The following SLURP1 variants were observed in gnomAD, a reference collection of about 807,000 sequenced individuals.
SLURP1 encodes the protein secreted LY6/PLAUR domain containing 1, also known as secreted Ly-6/uPAR-related protein 1.
SLURP1 carries 2 observed loss-of-function variants against 7.9 expected under a neutral mutation model. That is an observed-to-expected ratio of 0.25 (90% CI 0.10 to 0.79). SLURP1 has a LOEUF of 0.79. Ranked by LOEUF, SLURP1 falls within the 30% of genes least tolerant of loss-of-function variation. The pLI is 0.69. For synonymous variants in SLURP1, 59 were observed against 54.9 expected (o/e 1.07, Z -0.33); for missense variants, 111 against 139.8 (o/e 0.79, Z 1.04).
Position 142,741,155 on chromosome 8 carries a change from G to A in SLURP1, c.300C>T (p.Asn100=). 1 of 1,606,466 alleles carries A rather than the reference G, an allele frequency of 6.2e-7. No individual in the cohort carries two copies. Among genetic ancestry groups the A allele is most frequent in the Non-Finnish European group, 8.5e-7 (1 of 1,179,944 alleles). Residue 100 remains asparagine, a synonymous_variant, in exon 3 of 3, where the codon AAC becomes AAT. Coordinates refer to ENST00000246515, the MANE Select transcript of SLURP1 (RefSeq NM_020427.3). The surrounding 1 kb of genome is among the most constrained non-coding windows in gnomAD (Gnocchi z 4.3). ...TGCCGCCCTGGGTTCAGAGTTCCGAGTTGCAGAGGTCTCGGAAGCAGCAGA... is the reference window on the plus strand; with the variant it reads ...TGCCGCCCTGGGTTCAGAGTTCCGAATTGCAGAGGTCTCGGAAGCAGCAGA... ...LIFCCFRDLC[N]SEL
At chr8:142,742,249 C>T in intron 1 of SLURP1, 79 bp downstream of exon 1, 1 of 1,480,392 alleles carries the variant, frequency 6.8e-7, no homozygotes, top group Non-Finnish European at 9.4e-7. Context: ...CCACAAAGCA[C>T]CCCCAACAGC....
Position 142,741,305 on chromosome 8 carries a change from C to T in SLURP1, c.179-29G>A, listed in dbSNP as rs1414229960. 3 of 1,558,712 alleles carry T rather than the reference C, an allele frequency of 1.9e-6. No homozygotes were observed. In the East Asian group the frequency reaches 7.1e-5, roughly 37 times the overall value. The stretch of plus-strand genomic sequence containing the variant: ...CAGGGTGGGCCAGTGTCAGAACCCT[C>T]ACTCCCCTGCAGCGCCTGCCTGCTG... On this transcript the variant is annotated intron_variant, in intron 2 of 2. Transcript: ENST00000246515. The surrounding 1 kb of genome is among the most constrained non-coding windows in gnomAD (Gnocchi z 4.3).
Position 142,741,812 on chromosome 8 carries a change from C to T in SLURP1, c.169G>A (p.Val57Met), listed in dbSNP as rs766022882. Residue 57 changes from valine (V) to methionine (M), a missense_variant, in exon 2 of 3, where the codon GTG (valine) becomes ATG (methionine). By Grantham distance (21) the Val-to-Met change is conservative (BLOSUM62 1). Coordinates refer to ENST00000246515, the MANE Select transcript of SLURP1 (RefSeq NM_020427.3). The surrounding 1 kb of genome is among the most constrained non-coding windows in gnomAD (Gnocchi z 4.3). ...TGGGGCCTGGCCTCACCTGCCTCCA[C>T]CGTCACCAGCGTGGTCATGCAGGCT... ...DTACMTTLVT[V>M]EAEYPFNQSP... The T allele has an allele frequency of 3.1e-6, 5 of 1,612,158 alleles. No individual in the cohort carries two copies. Among genetic ancestry groups the T allele is most frequent in the Admixed American group, 3.3e-5 (2 of 60,026 alleles).
chr8:142,741,840 G>A lies in SLURP1; in HGVS notation c.141C>T (p.Asp47=), dbSNP rs757855735. ...TCACCAGCGTGGTCATGCAGGCTGT[G>A]TCCTCTGGCTTGCAGCGGGTAATGG... ...CRTITRCKPE[D]TACMTTLVTV... is the part of the protein sequence containing the mutation. Residue 47 remains aspartate, a synonymous_variant, in exon 2 of 3, where the codon GAC becomes GAT. Transcript: ENST00000246515. The surrounding 1 kb of genome is among the most constrained non-coding windows in gnomAD (Gnocchi z 4.3). The A allele has an allele frequency of 7.0e-5, 113 of 1,613,068 alleles. No homozygotes were observed. Among genetic ancestry groups the A allele is most frequent in the Non-Finnish European group, 8.6e-5 (102 of 1,180,000 alleles).
chr8:142,742,071 G>C, intron 1 of SLURP1, 149 bp from the exon 2 acceptor site: 1 of 1,322,590 alleles, frequency 7.6e-7, no homozygotes, highest in Non-Finnish European at 1.0e-6. Context: ...TTCTCTAACT[G>C]AGCTGAGCCA....
Position 142,741,355 on chromosome 8 carries a change from C to T in SLURP1, c.179-79G>A. On this transcript the variant is annotated intron_variant, in intron 2 of 2. Coordinates refer to ENST00000246515, the MANE Select transcript of SLURP1 (RefSeq NM_020427.3). The surrounding 1 kb of genome is among the most constrained non-coding windows in gnomAD (Gnocchi z 4.3). ...GCTGCACTGCTCCCAGCCGCCGTCG[C>T]CTGACCTCACCCTCCCTGTGATCCC... is the stretch of plus-strand genomic sequence containing the variant. 1 of 1,499,582 alleles carries T rather than the reference C, an allele frequency of 6.7e-7. No individual in the cohort carries two copies. Among genetic ancestry groups the T allele is most frequent in the Non-Finnish European group, 8.9e-7 (1 of 1,124,150 alleles). 92.9% of individuals were successfully genotyped at this position (1,499,582 alleles called of 1,614,324 possible).
chr8:142,740,999 C>T lies in SLURP1; in HGVS notation c.*144G>A, dbSNP rs587658896. ...CGTGGGGTATGGAAGGCAGAGGGCGCCCCTGGTGTGCTTCTCTCCCCTCAG... is the reference window on the plus strand; with the variant it reads ...CGTGGGGTATGGAAGGCAGAGGGCGTCCCTGGTGTGCTTCTCTCCCCTCAG... On this transcript the variant is annotated 3_prime_UTR_variant, in exon 3 of 3. Coordinates refer to ENST00000246515, the MANE Select transcript of SLURP1 (RefSeq NM_020427.3). 2 of 1,221,130 alleles carry T rather than the reference C, an allele frequency of 1.6e-6. No individual in the cohort carries two copies. The highest frequency in any genetic ancestry group is 2.6e-5 in the South Asian group (2 of 78,364). The allele number at this position is 1,221,130 out of a possible 1,614,324, so 75.6% of individuals were successfully genotyped here. A position where few individuals can be genotyped will look rare whatever the true frequency, so the allele number is the denominator to read the frequency against.
chr8:142,741,067 A>C lies in SLURP1; in HGVS notation c.*76T>G. ...TGCCACAGCAGCAGGAAGCAGGGGGAGGTGATCACAGGTGGAGCCAGGCCC... is the reference window on the plus strand; with the variant it reads ...TGCCACAGCAGCAGGAAGCAGGGGGCGGTGATCACAGGTGGAGCCAGGCCC... On this transcript the variant is annotated 3_prime_UTR_variant, in exon 3 of 3. Transcript: ENST00000246515. The surrounding 1 kb of genome is among the most constrained non-coding windows in gnomAD (Gnocchi z 4.3). 2 of 1,574,136 alleles carry C rather than the reference A, an allele frequency of 1.3e-6. No homozygotes were observed. The highest frequency in any genetic ancestry group is 1.7e-6 in the Non-Finnish European group (2 of 1,158,630).
rs1425422129 is a variant in SLURP1 at position 142,741,520 on chromosome 8, A to C, written c.179-244T>G. 6.6e-6 allele frequency among the ~76,000 whole-genome samples: 1 copy of C among 152,160 alleles called. No individual in the cohort carries two copies. The highest frequency in any genetic ancestry group is 1.5e-5 in the Non-Finnish European group (1 of 68,024). On this transcript the variant is annotated intron_variant, in intron 2 of 2. Coordinates refer to ENST00000246515, the MANE Select transcript of SLURP1 (RefSeq NM_020427.3). The surrounding 1 kb of genome is among the most constrained non-coding windows in gnomAD (Gnocchi z 4.3). Reference sequence around the variant, plus strand: ...GGAGCCCGAGCCCAGAGGCTGTGGCAACACCACCCAGTGGGTCTGTGTCAG... The same window carrying C: ...GGAGCCCGAGCCCAGAGGCTGTGGCCACACCACCCAGTGGGTCTGTGTCAG...
In SLURP1 at chr8:142,741,370, C is replaced by G; in HGVS notation, c.179-94G>C. 1 of 1,466,602 alleles carries G rather than the reference C, an allele frequency of 6.8e-7. No individual in the cohort carries two copies. Among genetic ancestry groups the G allele is most frequent in the Non-Finnish European group, 9.1e-7 (1 of 1,099,410 alleles). The allele number at this position is 1,466,602 out of a possible 1,614,324, so 90.8% of individuals were successfully genotyped here. ...GCCGCCGTCGCCTGACCTCACCCTCCCTGTGATCCCTGTTCCCAATAGTCC... is the reference window on the plus strand; with the variant it reads ...GCCGCCGTCGCCTGACCTCACCCTCGCTGTGATCCCTGTTCCCAATAGTCC... On this transcript the variant is annotated intron_variant, in intron 2 of 2. Coordinates refer to ENST00000246515, the MANE Select transcript of SLURP1 (RefSeq NM_020427.3). The surrounding 1 kb of genome is among the most constrained non-coding windows in gnomAD (Gnocchi z 4.3).
Position 142,742,346 on chromosome 8 carries a change from C to T in SLURP1, c.40G>A (p.Ala14Thr). The change falls in exon 1 of 3, where the codon GCC becomes ACC. Residue 14 changes from alanine (A) to threonine (T), a missense_variant. Coordinates refer to ENST00000246515, the MANE Select transcript of SLURP1 (RefSeq NM_020427.3). The part of the protein sequence containing the change: ...RWAVQLLLVA[A>T]WSMGCGEALK... The stretch of plus-strand genomic sequence containing the variant: ...CACTCACCACAGCCCATGCTCCAGG[C>T]TGCCACGAGCAGCAGCTGCACAGCC... The T allele has an allele frequency of 1.2e-6, 2 of 1,613,008 alleles. No individual in the cohort carries two copies. The highest frequency in any genetic ancestry group is 1.7e-6 in the Non-Finnish European group (2 of 1,180,034).
Position 142,741,893 on chromosome 8 carries a change from C to T in SLURP1, c.88G>A (p.Glu30Lys). 1 of 1,612,982 alleles carries T rather than the reference C, an allele frequency of 6.2e-7. No individual in the cohort carries two copies. The highest frequency in any genetic ancestry group is 8.5e-7 in the Non-Finnish European group (1 of 1,179,968). Reference protein sequence around the residue: ...GEALKCYTCKEPMTSASCRTI... With the variant: ...GEALKCYTCKKPMTSASCRTI... ...CTGCAGGAAGCACTGGTCATGGGCT[C>T]CTTGCAGGTGTAGCACTTGAGGGCC... The change falls in exon 2 of 3, where the codon GAG becomes AAG. Residue 30 changes from glutamate (E) to lysine (K), a missense_variant. Glu to Lys is a moderately conservative substitution (Grantham distance 56). Coordinates refer to ENST00000246515, the MANE Select transcript of SLURP1 (RefSeq NM_020427.3). This position sits in a 1 kb window ranked among gnomAD's most constrained non-coding sequence, Gnocchi z 4.3.
In SLURP1 at chr8:142,740,979, G is replaced by T; in HGVS notation, c.*164C>A. The T allele has an allele frequency of 1.1e-6, 1 of 938,602 alleles. No homozygotes were observed. The highest frequency in any genetic ancestry group is 1.6e-6 in the Non-Finnish European group (1 of 611,128). 58.1% of individuals were successfully genotyped at this position (938,602 alleles called of 1,614,324 possible). On this transcript the variant is annotated 3_prime_UTR_variant, in exon 3 of 3. Coordinates refer to ENST00000246515, the MANE Select transcript of SLURP1 (RefSeq NM_020427.3). ...GCTTAGTTATGTTTTATAAGCGTGG[G>T]GTATGGAAGGCAGAGGGCGCCCCTG...
chr8:142,741,756 G>A lies in SLURP1; in HGVS notation c.178+47C>T, dbSNP rs754490635. The A allele has an allele frequency of 6.9e-6, 11 of 1,603,220 alleles. No homozygotes were observed. In the South Asian group the frequency reaches 1.2e-4, roughly 18 times the overall value. ...AAGGAGGGAGGCACTTGGGGGAGGTGGCCCTGACTCCAGTGCACCCAGGGC... is the reference window on the plus strand; with the variant it reads ...AAGGAGGGAGGCACTTGGGGGAGGTAGCCCTGACTCCAGTGCACCCAGGGC... On this transcript the variant is annotated intron_variant, in intron 2 of 2. Coordinates refer to ENST00000246515, the MANE Select transcript of SLURP1 (RefSeq NM_020427.3). The surrounding 1 kb of genome is among the most constrained non-coding windows in gnomAD (Gnocchi z 4.3).
Position 142,741,118 on chromosome 8 carries a change from C to G in SLURP1, c.*25G>C. On this transcript the variant is annotated 3_prime_UTR_variant, in exon 3 of 3. Transcript: ENST00000246515. This position sits in a 1 kb window ranked among gnomAD's most constrained non-coding sequence, Gnocchi z 4.3. ...CGTCAGAGAGGAGGTGCCTGAGGAG[C>G]ACCTTCCGCCCTGCCGCCCTGGGTT... 1 of 1,600,806 alleles carries G rather than the reference C, an allele frequency of 6.2e-7. No individual in the cohort carries two copies. Among genetic ancestry groups the G allele is most frequent in the Admixed American group, 1.7e-5 (1 of 60,014 alleles).
In SLURP1 at chr8:142,741,874, G is replaced by A; in HGVS notation, c.107C>T (p.Ser36Phe). Residue 36 changes from serine to phenylalanine, a missense_variant, in exon 2 of 3, where the codon TCC (serine) becomes TTC (phenylalanine). Coordinates refer to ENST00000246515, the MANE Select transcript of SLURP1 (RefSeq NM_020427.3). The surrounding 1 kb of genome is among the most constrained non-coding windows in gnomAD (Gnocchi z 4.3). ...CTTGCAGCGGGTAATGGTCCTGCAG[G>A]AAGCACTGGTCATGGGCTCCTTGCA... ...YTCKEPMTSA[S>F]CRTITRCKPE... The A allele has an allele frequency of 1.2e-6, 2 of 1,613,294 alleles. No homozygotes were observed. The highest frequency in any genetic ancestry group is 1.7e-6 in the Non-Finnish European group (2 of 1,180,012).
chr8:142,741,935 T>C lies in SLURP1; in HGVS notation c.59-13A>G. 6.2e-7 allele frequency: 1 copy of C among 1,610,876 alleles called. No homozygotes were observed. The stretch of plus-strand genomic sequence containing the variant: ...TTGAGGGCCTCACCTGGGTGAGGGA[T>C]GGGGGCAGAACCTCATCACCTGACC... On this transcript the variant is annotated splice_polypyrimidine_tract_variant and intron_variant, in intron 1 of 2. Transcript: ENST00000246515. This position sits in a 1 kb window ranked among gnomAD's most constrained non-coding sequence, Gnocchi z 4.3.
chr8:142,742,222 C>T (rs1429718698), intron 1 of SLURP1, 106 bp downstream of exon 1: 3 of 1,245,960 alleles, frequency 2.4e-6, no homozygotes, highest in Non-Finnish European at 3.5e-6. Flanking sequence ...CTCATGGAGG[C>T]CTAAGGAGGC....
rs190163364 is a variant in SLURP1, at chr8:142,741,484, G to A, written c.179-208C>T. Among the ~76,000 whole-genome samples the A allele has an allele frequency of 6.6e-6, 1 of 152,328 alleles. No homozygotes were observed. Among genetic ancestry groups the A allele is most frequent in the Admixed American group, 6.5e-5 (1 of 15,310 alleles). On this transcript the variant is annotated intron_variant, in intron 2 of 2. Coordinates refer to ENST00000246515, the MANE Select transcript of SLURP1 (RefSeq NM_020427.3). The surrounding 1 kb of genome is among the most constrained non-coding windows in gnomAD (Gnocchi z 4.3). ...GCCTTGTCAGACCTCTGAAGTGCCT[G>A]CGCTGAGATGGGAGCCCGAGCCCAG...
Sources: gnomAD v4.1 joint callset for allele counts (sites outside exome capture counted in the v4.1 genomes callset) on GRCh38, gnomAD v4.1.1 for gene constraint, Gnocchi (gnomAD v3.1) non-coding constraint, MANE v1.5 for transcripts, NCBI Gene and HGNC (gene_info 2026-07-23, HGNC 2026-07-21) for gene names.